Variants in FGGY observed in about 807,000 individuals in gnomAD.
FGGY encodes FGGY carbohydrate kinase domain containing.
Under a neutral mutation model 71.3 loss-of-function variants are expected in FGGY, and 72 were observed. The observed-to-expected ratio is 1.01, with a 90% CI of 0.84 to 1.23. FGGY has a LOEUF of 1.23. Among genes scored for constraint, FGGY ranks in the 50% most tolerant of loss-of-function variants. The pLI is 0.00. For missense variants in FGGY, 668 were observed against 682.3 expected (o/e 0.98, Z 0.23); for synonymous variants, 251 against 250.3 (o/e 1.00, Z -0.02).
chr1:59,695,850 T>G (rs774918842), intron 14 of FGGY, among the ~76,000 whole-genome samples: 4 of 152,174 alleles, frequency 2.6e-5, no homozygotes, highest in Non-Finnish European at 5.9e-5. Flanking sequence ...AAATGACATA[T>G]TATCCTGAGA....
chr1:59,413,299 T>C (rs892199682), intron 5 of FGGY, among the ~76,000 whole-genome samples: 3 of 152,226 alleles, frequency 2.0e-5, no homozygotes, highest in African/African-American at 4.8e-5. Flanking sequence ...GGACTATGTT[T>C]GTTTACTTTG....
chr1:59,494,830 C>T (rs2093982510), intron 6 of FGGY, among the ~76,000 whole-genome samples: 3 of 152,112 alleles, frequency 2.0e-5, no homozygotes, highest in Admixed American at 1.3e-4. Context: ...TATAGTAGAA[C>T]AATTTATATT....
chr1:59,459,606 G>A (rs1444243028), intron 6 of FGGY, among the ~76,000 whole-genome samples: 2 of 152,310 alleles, frequency 1.3e-5, no homozygotes, highest in African/African-American at 4.8e-5. Flanking sequence ...AAACTGATCT[G>A]TGTCAATAAA....
chr1:59,455,753 AAG>A (rs1384854578), intron 5 of FGGY, among the ~76,000 whole-genome samples: 1 of 152,196 alleles, frequency 6.6e-6, no homozygotes, highest in Non-Finnish European at 1.5e-5. Flanking sequence ...GGGAAATCAG[AAG>A]AGGAGTGCCT....
At chr1:59,371,735 G>C (rs1391252305) in intron 4 of FGGY, among the ~76,000 whole-genome samples, 3 of 152,070 alleles carry the variant, frequency 2.0e-5, no homozygotes, top group Non-Finnish European at 4.4e-5. Flanking sequence ...AATCAAACTA[G>C]AACTCAGGAT....
At chr1:59,369,622 C>T (rs1351198863) in intron 4 of FGGY, among the ~76,000 whole-genome samples, 1 of 152,216 alleles carries the variant, frequency 6.6e-6, no homozygotes, top group African/African-American at 2.4e-5. Context: ...AAGTGGGTCC[C>T]TGACCCCTGA....
chr1:59,413,709 C>T (rs1393247668), intron 5 of FGGY, among the ~76,000 whole-genome samples: 1 of 152,160 alleles, frequency 6.6e-6, no homozygotes, highest in Non-Finnish European at 1.5e-5. Flanking sequence ...GACTGTAATC[C>T]CAGCACTTTG....
At chr1:59,381,031 C>G (rs1042670448) in intron 5 of FGGY, among the ~76,000 whole-genome samples, 1 of 152,146 alleles carries the variant, frequency 6.6e-6, no homozygotes, top group African/African-American at 2.4e-5. Context: ...TTTCCCAGCA[C>G]CATTTATTAA....
intron 6 of FGGY, among the ~76,000 whole-genome samples, chr1:59,472,259 G>T (rs1477787502): frequency 6.6e-6 from 1 of 152,244 alleles, no homozygotes; most frequent in Admixed American, 6.5e-5. Context: ...GCAGTGAGGG[G>T]CTTAGCACCT....
At chr1:59,454,654 C>G (rs1045627335) in intron 5 of FGGY, among the ~76,000 whole-genome samples, 1 of 152,214 alleles carries the variant, frequency 6.6e-6, no homozygotes, top group African/African-American at 2.4e-5. Context: ...TGTCTCCCAC[C>G]AGATTATGTC....
intron 14 of FGGY, among the ~76,000 whole-genome samples, chr1:59,679,007 G>T (rs894694423): frequency 6.6e-6 from 1 of 152,182 alleles, no homozygotes; most frequent in Non-Finnish European, 1.5e-5. Context: ...GTTCCAGACA[G>T]ACTCCTGTGT....
At chr1:59,568,031 C>T (rs530921991) in intron 8 of FGGY, among the ~76,000 whole-genome samples, 2 of 152,052 alleles carry the variant, frequency 1.3e-5, no homozygotes, top group African/African-American at 4.8e-5. Flanking sequence ...TAGAGAATGA[C>T]CAGATTTTAG....
chr1:59,416,700 C>G (rs1227205885), intron 5 of FGGY, among the ~76,000 whole-genome samples: 1 of 152,174 alleles, frequency 6.6e-6, no homozygotes, highest in Non-Finnish European at 1.5e-5. Flanking sequence ...GTTACATTCT[C>G]CTTTGATGCT....
At chr1:59,609,949 T>C (rs546951746) in intron 9 of FGGY, among the ~76,000 whole-genome samples, 26 of 152,352 alleles carry the variant, frequency 1.7e-4, no homozygotes, top group Middle Eastern at 3.4e-3. Flanking sequence ...TCATGTTTGA[T>C]TGGTCTCAGT....
chr1:59,297,071 C>A (rs2042050165), upstream of FGGY: 1 of 153,600 alleles, frequency 6.5e-6, no homozygotes, highest in Non-Finnish European at 1.4e-5. Flanking sequence ...TCCTCCCCTT[C>A]CTCCTCCTGG....
intron 5 of FGGY, among the ~76,000 whole-genome samples, chr1:59,383,835 T>C (rs942282093): frequency 2.0e-5 from 3 of 152,168 alleles, no homozygotes; most frequent in African/African-American, 7.2e-5. Context: ...ATCAAATCAG[T>C]ATTAACCTTA....
At chr1:59,402,575 A>G (rs777958352) in intron 5 of FGGY, among the ~76,000 whole-genome samples, 1 of 152,218 alleles carries the variant, frequency 6.6e-6, no homozygotes, top group Admixed American at 6.5e-5. Context: ...AGAATTTGAG[A>G]TACAGCTATA....
At chr1:59,710,283 T>C (rs891506373) in intron 14 of FGGY, among the ~76,000 whole-genome samples, 1 of 152,212 alleles carries the variant, frequency 6.6e-6, no homozygotes, top group African/African-American at 2.4e-5. Context: ...TTACATCTTA[T>C]ACAAAAATTA....
At chr1:59,643,910 G>A (rs1176517798) in intron 11 of FGGY, among the ~76,000 whole-genome samples, 1 of 152,216 alleles carries the variant, frequency 6.6e-6, no homozygotes, top group African/African-American at 2.4e-5. Flanking sequence ...AAGCCAAGAA[G>A]TGGCAGCGCT....
Sources: allele counts gnomAD v4.1 joint callset (sites outside exome capture counted in the v4.1 genomes callset), GRCh38; gene constraint gnomAD v4.1.1; transcripts MANE v1.5; gene names NCBI Gene and HGNC (gene_info 2026-07-23, HGNC 2026-07-21).